Variants in MAN2B2 observed in about 807,000 individuals in gnomAD.
The protein encoded by MAN2B2 is epididymis-specific alpha-mannosidase.
In MAN2B2, 106 loss-of-function variants were observed where a neutral mutation model predicts 117.1. The ratio of observed to expected loss-of-function variants is 0.90; its 90% CI spans 0.77 to 1.06. The LOEUF is 1.06. Ranked by LOEUF, MAN2B2 falls within the 50% of genes least tolerant of loss-of-function variation. MAN2B2 has a pLI of 0.00. For synonymous variants in MAN2B2, 544 were observed against 595.1 expected (o/e 0.91, Z 1.25); for missense variants, 1,326 against 1,381.4 (o/e 0.96, Z 0.64).
rs953333641 is a variant in MAN2B2, at chr4:6,594,371, G to A, written c.859-163G>A. Reference sequence around the variant, plus strand: ...CACTTGAACCCGGGAGGCGGAGGTTGCATGAGCCGAGATCAAGCCACTGCT... The same window carrying A: ...CACTTGAACCCGGGAGGCGGAGGTTACATGAGCCGAGATCAAGCCACTGCT... On this transcript the variant is annotated intron_variant, in intron 6 of 18. Transcript: ENST00000285599. Among the ~76,000 whole-genome samples the A allele has an allele frequency of 3.9e-5, 6 of 152,218 alleles. No individual in the cohort carries two copies. In the South Asian group the frequency reaches 1.0e-3, roughly 26 times the overall value.
chr4:6,616,606 G>C (rs80063246), intron 16 of MAN2B2, among the ~76,000 whole-genome samples: 1 of 152,164 alleles, frequency 6.6e-6, no homozygotes, highest in East Asian at 1.9e-4. Context: ...GAAGTACTGC[G>C]TCACTTCAGC....
intron 4 of MAN2B2, 41 bp downstream of exon 4, chr4:6,587,209 C>T (rs182885712): frequency 6.3e-7 from 1 of 1,594,228 alleles, no homozygotes; most frequent in Admixed American, 1.7e-5. Flanking sequence ...AGCGACCGCT[C>T]CTCCCTTCCT....
chr4:6,579,349 T>C (rs199583137), intron 3 of MAN2B2, among the ~76,000 whole-genome samples: 263 of 35,508 alleles, frequency 7.4e-3, no homozygotes, highest in Middle Eastern at 0.038. Context: ...ACCATCACCA[T>C]CACCACCACC....
chr4:6,581,648 G>A (rs1177680448), intron 3 of MAN2B2, among the ~76,000 whole-genome samples: 4 of 151,588 alleles, frequency 2.6e-5, no homozygotes, highest in African/African-American at 9.7e-5. Flanking sequence ...TGGAGCCCCT[G>A]CCTCGAGGCA....
chr4:6,611,327 C>T (rs1170423305), intron 15 of MAN2B2, 49 bp downstream of exon 15: 15 of 1,535,718 alleles, frequency 9.8e-6, no homozygotes, highest in African/African-American at 1.4e-5. Flanking sequence ...TCAGCACCAG[C>T]CAGGCCAGGG....
Position 6,594,827 on chromosome 4 carries a change from C to T in MAN2B2, c.1057+95C>T, listed in dbSNP as rs1727013960. On this transcript the variant is annotated intron_variant, in intron 7 of 18. Coordinates refer to ENST00000285599, the MANE Select transcript of MAN2B2 (RefSeq NM_015274.3). The stretch of plus-strand genomic sequence containing the variant: ...ACTTCAGTGGCTGCTCGGCACTGCT[C>T]TCCAAGCCCTGGAGGGGTTCCAGGC... 3.9e-6 allele frequency: 5 copies of T among 1,282,610 alleles called. No individual in the cohort carries two copies. In the African/African-American group the frequency reaches 4.4e-5, roughly 11 times the overall value. 79.5% of individuals were successfully genotyped at this position (1,282,610 alleles called of 1,614,324 possible). A position where few individuals can be genotyped will look rare whatever the true frequency, so the allele number is the denominator to read the frequency against.
rs147252633 is a variant in MAN2B2, at chr4:6,619,950, C to G, written c.2838C>G (p.Ser946=). 974 of 1,613,882 alleles carry G rather than the reference C, an allele frequency of 6.0e-4. 4 individuals are homozygous for G. In the African/African-American group the frequency reaches 0.011, roughly 19 times the overall value. ...NLEAVLQALG[S]VVAVEERSLT... ...AGGCTGTGCTGCAGGCGCTGGGGTC[C>G]GTGGTGGCAGTGGAGGAGCGCTCGC... Residue 946 remains serine, a synonymous_variant, in exon 18 of 19, where the codon TCC becomes TCG. Coordinates refer to ENST00000285599, the MANE Select transcript of MAN2B2 (RefSeq NM_015274.3).
intron 9 of MAN2B2, among the ~76,000 whole-genome samples, chr4:6,598,855 C>T (rs767508996): frequency 6.6e-5 from 10 of 152,190 alleles, no homozygotes; most frequent in East Asian, 3.9e-4. Flanking sequence ...CACTCCCTCC[C>T]GAACTCCACT....
chr4:6,594,508 A>G (rs376776813), intron 6 of MAN2B2, 26 bp from the exon 7 acceptor site: 56 of 1,608,942 alleles, frequency 3.5e-5, no homozygotes, highest in Non-Finnish European at 4.6e-5. Context: ...CCCACGGCAC[A>G]GGATGTTGCT....
chr4:6,602,961 C>A (rs983113573), intron 10 of MAN2B2, among the ~76,000 whole-genome samples: 4 of 152,204 alleles, frequency 2.6e-5, no homozygotes, highest in Non-Finnish European at 4.4e-5. Context: ...CAGGCATGAG[C>A]CACCACACCA....
chr4:6,610,470 C>A (rs746028062), intron 13 of MAN2B2, among the ~76,000 whole-genome samples: 4 of 152,194 alleles, frequency 2.6e-5, no homozygotes, highest in Admixed American at 1.3e-4. Flanking sequence ...AGAGAGAATT[C>A]TTTTAAAGCC....
intron 3 of MAN2B2, among the ~76,000 whole-genome samples, chr4:6,579,331 C>CCACCACCATCACCAT (rs1726310230): frequency 2.4e-5 from 2 of 84,744 alleles, no homozygotes; most frequent in African/African-American, 9.3e-5. Context: ...ACCACCACCA[C>CCACCACCATCACCAT]CACCACCACC....
At chr4:6,576,508 G>A (rs1052708463) in intron 1 of MAN2B2, 70 bp from the exon 2 acceptor site, 20 of 1,575,492 alleles carry the variant, frequency 1.3e-5, no homozygotes, top group African/African-American at 5.4e-5. Context: ...CACACCTGGC[G>A]AATGGCAGGG....
chr4:6,593,104 C>A, intron 5 of MAN2B2, 69 bp from the exon 6 acceptor site: 1 of 1,494,832 alleles, frequency 6.7e-7, no homozygotes, highest in Non-Finnish European at 9.2e-7. Context: ...GAGAACATGG[C>A]ACTTGGGTGT....
chr4:6,587,857 C>T (rs1345668541), intron 4 of MAN2B2, among the ~76,000 whole-genome samples: 9 of 148,872 alleles, frequency 6.0e-5, no homozygotes, highest in African/African-American at 2.0e-4. Context: ...CGGGTTCAAG[C>T]GATTATTGTG....
At chr4:6,614,160 G>A (rs1443865475) in intron 15 of MAN2B2, 58 bp from the exon 16 acceptor site, 5 of 1,587,530 alleles carry the variant, frequency 3.1e-6, no homozygotes, top group Non-Finnish European at 4.3e-6. Flanking sequence ...AGCTCTGAGT[G>A]CCAGGAGGAG....
At position 6,598,356 on chromosome 4, in the gene MAN2B2, T is replaced by C. The variant is rs1577284690; in HGVS notation, c.1405+2T>C. 1.9e-6 allele frequency: 3 copies of C among 1,610,836 alleles called. No homozygotes were observed. The East Asian group carries it at 6.7e-5, about 36-fold the overall frequency. ...AGGCACCCATGGCGGCCAGCTCCGG[T>C]GAGCAGGGCCCTGCAGGGAGGCTGT... On this transcript the variant is annotated splice_donor_variant, in intron 9 of 18. Transcript: ENST00000285599. LOFTEE classifies it high-confidence loss of function.
At chr4:6,590,734 G>A (rs989790099) in intron 5 of MAN2B2, among the ~76,000 whole-genome samples, 2 of 152,234 alleles carry the variant, frequency 1.3e-5, no homozygotes, top group African/African-American at 4.8e-5. Context: ...CCCGGACATG[G>A]GTGTTTCCCC....
At chr4:6,583,114 T>C (rs1726499534) in intron 3 of MAN2B2, among the ~76,000 whole-genome samples, 1 of 152,192 alleles carries the variant, frequency 6.6e-6, no homozygotes, top group Non-Finnish European at 1.5e-5. Flanking sequence ...CAGTCTAGAC[T>C]GGCTCACCCC....
Sources: allele counts gnomAD v4.1 joint callset (sites outside exome capture counted in the v4.1 genomes callset), GRCh38; gene constraint gnomAD v4.1.1; transcripts MANE v1.5; gene names NCBI Gene and HGNC (gene_info 2026-07-23, HGNC 2026-07-21).